The following DDX1 variants were observed in gnomAD, a reference collection of about 807,000 sequenced individuals.
DDX1 encodes ATP-dependent RNA helicase DDX1.
A neutral mutation model predicts 108.7 loss-of-function variants in DDX1; 28 were observed. The observed-to-expected ratio is 0.26, with a 90% CI of 0.19 to 0.35. The LOEUF is 0.35. Ranked by LOEUF, DDX1 falls within the 10% of genes least tolerant of loss-of-function variation. The pLI is 1.00. For synonymous variants in DDX1, 295 were observed against 288.9 expected (o/e 1.02, Z -0.21); for missense variants, 710 against 884.5 (o/e 0.80, Z 2.50).
chr2:15,612,084 G>T lies in DDX1; in HGVS notation c.957-1140G>T, dbSNP rs567206050. On this transcript the variant is annotated intron_variant, in intron 13 of 25. Coordinates refer to ENST00000233084, the MANE Select transcript of DDX1 (RefSeq NM_004939.3). ...CTCCCGGAGGGGGCGGCTGGCTGGC[G>T]GGGCCTGACCCCCCCACCTCCCTCC... Among the ~76,000 whole-genome samples, 3 of 82,820 alleles carry T rather than the reference G, an allele frequency of 3.6e-5. 1 individual carries two copies. Among genetic ancestry groups the T allele is most frequent in the Non-Finnish European group, 6.5e-5 (3 of 45,818 alleles). 54.3% of individuals were successfully genotyped at this position (82,820 alleles called of 152,430 possible). A position where few individuals can be genotyped will look rare whatever the true frequency, so the allele number is the denominator to read the frequency against.
At chr2:15,630,175 G>C in intron 25 of DDX1, 65 bp downstream of exon 25, 1 of 1,512,678 alleles carries the variant, frequency 6.6e-7, no homozygotes, top group South Asian at 1.2e-5. Context: ...ACTTCGGTTT[G>C]GGAAGGCAGT....
intron 18 of DDX1, 106 bp from the exon 19 acceptor site, chr2:15,623,330 C>T: frequency 9.7e-7 from 1 of 1,026,716 alleles, no homozygotes; most frequent in Non-Finnish European, 1.4e-6. Flanking sequence ...AACAAGTATT[C>T]TTTTTTAGGA....
At position 15,591,878 on chromosome 2, in the gene DDX1, C is replaced by A; in HGVS notation, c.-56C>A. The A allele has an allele frequency of 3.4e-6, 5 of 1,465,106 alleles. No homozygotes were observed. The highest frequency in any genetic ancestry group is 4.5e-6 in the Non-Finnish European group (5 of 1,106,418). 90.8% of individuals were successfully genotyped at this position (1,465,106 alleles called of 1,614,324 possible). A position where few individuals can be genotyped will look rare whatever the true frequency, so the allele number is the denominator to read the frequency against. The stretch of plus-strand genomic sequence containing the variant: ...GAAGCGCGCGCCGCCACTGCCACGC[C>A]GTGTCAGTCGGGAGGGAGGGAGCGA... On this transcript the variant is annotated 5_prime_UTR_variant, in exon 1 of 26. Transcript: ENST00000233084.
chr2:15,615,564 G>A (rs1665880144), intron 14 of DDX1, among the ~76,000 whole-genome samples: 1 of 152,144 alleles, frequency 6.6e-6, no homozygotes, highest in South Asian at 2.1e-4. Context: ...GTAATTATCA[G>A]TGCAGATGAA....
chr2:15,627,949 A>G (rs945779948), intron 20 of DDX1, among the ~76,000 whole-genome samples: 14 of 152,148 alleles, frequency 9.2e-5, no homozygotes, highest in Non-Finnish European at 1.5e-5. Context: ...TGAGGCACAA[A>G]TGACATTGAA....
chr2:15,603,238 G>T lies in DDX1; in HGVS notation c.438G>T (p.Arg146Ser), dbSNP rs556274301. ...EVSCHDQGLC[R>S]VGWSTMQASL... ...CCTGTCATGACCAAGGGTTATGCAGGGTCGGGTGGTCTACCATGCAGGCCT... is the reference window on the plus strand; with the variant it reads ...CCTGTCATGACCAAGGGTTATGCAGTGTCGGGTGGTCTACCATGCAGGCCT... Residue 146 changes from arginine (R) to serine (S), a missense_variant, in exon 8 of 26, where the codon AGG becomes AGT. By Grantham distance (110) the Arg-to-Ser change is moderately radical (BLOSUM62 -1). This residue lies in a region of DDX1 where 661 missense variants were observed against 810.2 expected (regional missense o/e 0.82). Coordinates refer to ENST00000233084, the MANE Select transcript of DDX1 (RefSeq NM_004939.3). The T allele has an allele frequency of 6.2e-7, 1 of 1,613,616 alleles. No homozygotes were observed. The highest frequency in any genetic ancestry group is 1.3e-5 in the African/African-American group (1 of 74,982).
In DDX1 at chr2:15,603,155, T is replaced by C. The variant is rs374636280; in HGVS notation, c.392-37T>C. 1.5e-5 allele frequency: 20 copies of C among 1,337,948 alleles called. No homozygotes were observed. The African/African-American group carries it at 2.6e-4, about 17-fold the overall frequency. 82.9% of individuals were successfully genotyped at this position (1,337,948 alleles called of 1,614,324 possible). On this transcript the variant is annotated intron_variant, in intron 7 of 25. Coordinates refer to ENST00000233084, the MANE Select transcript of DDX1 (RefSeq NM_004939.3). ...CTTCATGGTAAATGAATCGTGTGTG[T>C]GATTTATATAAATCTCAATGTATTT...
intron 21 of DDX1, 39 bp downstream of exon 21, chr2:15,628,556 C>G: frequency 6.3e-7 from 1 of 1,596,268 alleles, no homozygotes; most frequent in East Asian, 2.2e-5. Flanking sequence ...GTGATTGTTA[C>G]GGAATCTAAA....
At position 15,606,224 on chromosome 2, in the gene DDX1, C is replaced by T. The variant is rs1020897548; in HGVS notation, c.777C>T (p.Ser259=). The change falls in exon 12 of 26, where the codon TCC becomes TCT. Residue 259 remains serine (S), a synonymous_variant. Transcript: ENST00000233084. ...CAAAAGATGGCTTTGTTGCTCTTTC[C>T]AAGGCACCGGATGGTTACATTGTCA... ...FPPKDGFVAL[S]KAPDGYIVKS... 26 of 1,613,908 alleles carry T rather than the reference C, an allele frequency of 1.6e-5. No homozygotes were observed. Among genetic ancestry groups the T allele is most frequent in the Non-Finnish European group, 1.9e-5 (23 of 1,179,938 alleles).
intron 17 of DDX1, 90 bp downstream of exon 17, chr2:15,620,486 C>A: frequency 1.0e-6 from 1 of 966,524 alleles, no homozygotes; most frequent in East Asian, 2.6e-5. Flanking sequence ...TTAAGGCAAT[C>A]AGTTATTGTA....
Position 15,630,854 on chromosome 2 carries a change from C to T in DDX1, c.2171C>T (p.Thr724Ile). ...ELAALEKEAQ[T>I]SFLHLGYLPN... ...GCTGCCCTTGAAAAGGAGGCGCAGA[C>T]ATCTTTCCTGCATCTTGGCTACCTT... is the stretch of plus-strand genomic sequence containing the variant. Residue 724 changes from threonine (T) to isoleucine (I), a missense_variant, in exon 26 of 26, where the codon ACA becomes ATA. Thr to Ile is a moderately conservative substitution (Grantham distance 89). Around this residue, in one of 3 missense-constraint regions of DDX1, gnomAD observed 661 missense variants for 810.2 expected, o/e 0.82. Transcript: ENST00000233084. 1 of 1,614,108 alleles carries T rather than the reference C, an allele frequency of 6.2e-7. No homozygotes were observed. Among genetic ancestry groups the T allele is most frequent in the Non-Finnish European group, 8.5e-7 (1 of 1,179,956 alleles).
chr2:15,602,459 AATG>A, intron 6 of DDX1, 86 bp from the exon 7 acceptor site: 1 of 864,238 alleles, frequency 1.2e-6, no homozygotes, highest in Non-Finnish European at 1.9e-6. Flanking sequence ...AGTGAGACTG[AATG>A]ATTTTTTTTG....
intron 19 of DDX1, among the ~76,000 whole-genome samples, chr2:15,624,051 G>T (rs977741272): frequency 2.6e-5 from 4 of 152,148 alleles, no homozygotes; most frequent in African/African-American, 9.7e-5. Context: ...AGTAAACACT[G>T]TAAGTATCAG....
chr2:15,629,811 C>T (rs959011772), intron 24 of DDX1, 114 bp downstream of exon 24: 3 of 1,033,796 alleles, frequency 2.9e-6, no homozygotes, highest in East Asian at 5.3e-5. Flanking sequence ...AAGGGAAAGT[C>T]GTAGTTGGTT....
In DDX1 at chr2:15,630,034, G is replaced by C. The variant is rs1666166957; in HGVS notation, c.2016G>C (p.Gln672His). The C allele has an allele frequency of 4.3e-6, 7 of 1,613,020 alleles. No individual in the cohort carries two copies. Among genetic ancestry groups the C allele is most frequent in the Non-Finnish European group, 5.9e-6 (7 of 1,179,202 alleles). The change falls in exon 25 of 26, where the codon CAG becomes CAC. Residue 672 changes from glutamine (Q) to histidine (H), a missense_variant. Physicochemically the swap from Gln to His is conservative, Grantham distance 24. Transcript: ENST00000233084. ...IEEHLNCTIS[Q>H]VEPDIKVPVD... is the part of the protein sequence containing the mutation. Reference sequence around the variant, plus strand: ...AACACCTGAACTGTACCATTTCTCAGGTTGAGCCGGATATAAAGGTACCAG... The same window carrying C: ...AACACCTGAACTGTACCATTTCTCACGTTGAGCCGGATATAAAGGTACCAG...
chr2:15,626,437 A>G (rs1405120799), intron 19 of DDX1, among the ~76,000 whole-genome samples: 2 of 152,176 alleles, frequency 1.3e-5, no homozygotes, highest in African/African-American at 4.8e-5. Flanking sequence ...GTTAAGTGCC[A>G]TAATTGTTAT....
chr2:15,609,646 G>A (rs993903868), intron 13 of DDX1, among the ~76,000 whole-genome samples: 9 of 152,086 alleles, frequency 5.9e-5, no homozygotes, highest in African/African-American at 7.2e-5. Context: ...AGTGCTTTGC[G>A]TATAAGCATC....
At chr2:15,599,316 T>A (rs998782906) in intron 5 of DDX1, 2 of 153,682 alleles carry the variant, frequency 1.3e-5, no homozygotes, top group Non-Finnish European at 2.9e-5. Flanking sequence ...TATTTATTTA[T>A]TTATTTTTGA....
rs1375276602 is a variant in DDX1 at position 15,612,092 on chromosome 2, A to AC, written c.957-1125dup. Among the ~76,000 whole-genome samples, 232 of 109,036 alleles carry AC rather than the reference A, an allele frequency of 2.1e-3. 9 individuals are homozygous for AC. The highest frequency in any genetic ancestry group is 6.7e-3 in the African/African-American group (173 of 25,968). 71.5% of individuals were successfully genotyped at this position (109,036 alleles called of 152,430 possible). ...GGGGGCGGCTGGCTGGCGGGGCCTG[A>AC]CCCCCCCACCTCCCTCCCGGACGGG... On this transcript the variant is annotated intron_variant, in intron 13 of 25. Transcript: ENST00000233084.
Sources: gnomAD v4.1 joint callset for allele counts (sites outside exome capture counted in the v4.1 genomes callset) on GRCh38, gnomAD v4.1.1 for gene constraint, gnomAD v4.1.1 regional missense constraint, MANE v1.5 for transcripts, NCBI Gene and HGNC (gene_info 2026-07-23, HGNC 2026-07-21) for gene names.